Variants in OR3A2 observed in about 807,000 individuals in gnomAD.
The protein encoded by OR3A2 is olfactory receptor 3A2.
For synonymous variants in OR3A2, 126 were observed against 159.3 expected (o/e 0.79, Z 1.57); for missense variants, 318 against 392.8 (o/e 0.81, Z 1.61).
At chr17:3,321,459 G>A (rs9709074) in intron 3 of OR3A2, among the ~76,000 whole-genome samples, 54,245 of 150,162 alleles carry the variant, frequency 0.36, 10,361 homozygotes, top group South Asian at 0.5. Flanking sequence ...TCTTGTGCCA[G>A]TTTTCAAAGG....
upstream of OR3A2, among the ~76,000 whole-genome samples, chr17:3,287,734 C>T (rs1454033812): frequency 2.6e-5 from 4 of 151,998 alleles, no homozygotes; most frequent in South Asian, 2.1e-4. Flanking sequence ...ATTCTCTTGG[C>T]GAGGCTTGAA....
At chr17:3,376,700 A>G (rs1271869619) in intron 2 of OR3A2, among the ~76,000 whole-genome samples, 1 of 152,052 alleles carries the variant, frequency 6.6e-6, no homozygotes. Flanking sequence ...CCAGGCTACC[A>G]GCCTCCCCAC....
At position 3,340,121 on chromosome 17, in the gene OR3A2, C is replaced by T. The variant is rs147361933; in HGVS notation, c.-178-3995G>A. The stretch of plus-strand genomic sequence containing the variant: ...TTTCTGTGAGATCAGTGGTGATATC[C>T]CCTTTATTATTTTTTATTACATCTA... On this transcript the variant is annotated intron_variant, in intron 2 of 4. Transcript: ENST00000573491. 5.1e-3 allele frequency among the ~76,000 whole-genome samples: 771 copies of T among 151,824 alleles called. 3 individuals are homozygous for T. Among genetic ancestry groups the T allele is most frequent in the African/African-American group, 0.018 (734 of 41,396 alleles).
intron 2 of OR3A2, among the ~76,000 whole-genome samples, chr17:3,362,023 T>G (rs985894005): frequency 2.6e-5 from 4 of 151,710 alleles, no homozygotes; most frequent in Admixed American, 1.3e-4. Context: ...CTGGTAGAAT[T>G]TGGCTGTGAA....
In OR3A2 at chr17:3,369,010, G is replaced by C. The variant is rs565743522; in HGVS notation, c.-179+14794C>G. On this transcript the variant is annotated intron_variant, in intron 2 of 4. Coordinates refer to the OR3A2 transcript ENST00000573491. ...ATTTTTTGTAGCAGTTGTAAAAGGGGTTGAGTTCTTGATTTGATTCTCAGC... is the reference window on the plus strand; with the variant it reads ...ATTTTTTGTAGCAGTTGTAAAAGGGCTTGAGTTCTTGATTTGATTCTCAGC... 2.0e-5 allele frequency among the ~76,000 whole-genome samples: 3 copies of C among 152,216 alleles called. No individual in the cohort carries two copies. In the East Asian group the frequency reaches 5.8e-4, roughly 29 times the overall value.
intron 2 of OR3A2, among the ~76,000 whole-genome samples, chr17:3,375,859 GTTAT>G (rs2049678700): frequency 6.6e-6 from 1 of 152,164 alleles, no homozygotes; most frequent in South Asian, 2.1e-4. Flanking sequence ...TGCAGTGATT[GTTAT>G]TTGTCTTCTG....
chr17:3,374,284 T>G (rs2049660110), intron 2 of OR3A2, among the ~76,000 whole-genome samples: 1 of 152,310 alleles, frequency 6.6e-6, no homozygotes, highest in South Asian at 2.1e-4. Flanking sequence ...CAGGTGATGA[T>G]CTTTTCGCAA....
chr17:3,282,332 G>A (rs2048781830), intron 1 of OR3A2, among the ~76,000 whole-genome samples: 1 of 152,190 alleles, frequency 6.6e-6, no homozygotes, highest in Admixed American at 6.5e-5. Context: ...CTTGAACCCG[G>A]GAGGCGGAGG....
chr17:3,336,458 A>G (rs2049275054), intron 2 of OR3A2, among the ~76,000 whole-genome samples: 1 of 152,222 alleles, frequency 6.6e-6, no homozygotes, highest in South Asian at 2.1e-4. Context: ...CTTTATGTGT[A>G]AGAAGTGTAA....
intron 3 of OR3A2, among the ~76,000 whole-genome samples, chr17:3,307,201 AAGG>A (rs1298697791): frequency 6.6e-6 from 1 of 152,210 alleles, no homozygotes; most frequent in Non-Finnish European, 1.5e-5. Flanking sequence ...AGTTTCTGGA[AAGG>A]AGGAGACCTG....
At chr17:3,317,532 C>T (rs185251772) in intron 3 of OR3A2, among the ~76,000 whole-genome samples, 16 of 152,170 alleles carry the variant, frequency 1.1e-4, no homozygotes, top group Admixed American at 1.0e-3. Flanking sequence ...GTTGGGAGGC[C>T]GGGGCTCTGG....
At chr17:3,310,615 C>G in intron 3 of OR3A2, 1 of 540,488 alleles carries the variant, frequency 1.9e-6, no homozygotes, top group Non-Finnish European at 3.8e-6. Context: ...GCCTGCCTCT[C>G]CGAGCTCTTC....
intron 3 of OR3A2, among the ~76,000 whole-genome samples, chr17:3,330,028 G>A (rs1273836332): frequency 6.8e-6 from 1 of 147,238 alleles, no homozygotes; most frequent in South Asian, 2.1e-4. Flanking sequence ...GGTTTTGAGT[G>A]AGATTCTTAA....
intron 2 of OR3A2, among the ~76,000 whole-genome samples, chr17:3,347,027 T>A (rs2049370354): frequency 6.6e-6 from 1 of 152,158 alleles, no homozygotes; most frequent in Admixed American, 6.5e-5. Context: ...TTTGATATAT[T>A]GATTTTCTTT....
chr17:3,371,432 C>A (rs1448255342), intron 2 of OR3A2, among the ~76,000 whole-genome samples: 2 of 140,020 alleles, frequency 1.4e-5, no homozygotes, highest in African/African-American at 5.2e-5. Flanking sequence ...CTGACCCCCC[C>A]ACCTCCCTCC....
At chr17:3,302,526 T>C (rs113331289) in intron 3 of OR3A2, among the ~76,000 whole-genome samples, 3 of 152,210 alleles carry the variant, frequency 2.0e-5, no homozygotes, top group Non-Finnish European at 4.4e-5. Context: ...GCTAGCCATA[T>C]GTAGAAAGCT....
intron 3 of OR3A2, among the ~76,000 whole-genome samples, chr17:3,306,941 G>C (rs1183763174): frequency 6.6e-6 from 1 of 152,186 alleles, no homozygotes; most frequent in Non-Finnish European, 1.5e-5. Context: ...TCCACAACAA[G>C]GCATGTGGTT....
At chr17:3,361,125 G>A (rs1019030651) in intron 2 of OR3A2, among the ~76,000 whole-genome samples, 2 of 151,164 alleles carry the variant, frequency 1.3e-5, no homozygotes, top group African/African-American at 4.9e-5. Flanking sequence ...CCTTGAAGAG[G>A]TCCTTCACAT....
intron 2 of OR3A2, among the ~76,000 whole-genome samples, chr17:3,374,260 G>A (rs985562834): frequency 6.6e-6 from 1 of 152,148 alleles, no homozygotes; most frequent in African/African-American, 2.4e-5. Context: ...TAGATAACCT[G>A]ATGACTATCT....
Sources: allele counts gnomAD v4.1 joint callset (sites outside exome capture counted in the v4.1 genomes callset), GRCh38; gene constraint gnomAD v4.1.1; transcripts MANE v1.5; gene names NCBI Gene and HGNC (gene_info 2026-07-23, HGNC 2026-07-21).